WBP1L: variants seen among roughly 807,000 people sequenced by gnomAD.
WBP1L encodes WW domain binding protein 1 like, also known as WW domain binding protein 1-like.
In WBP1L, 17 loss-of-function variants were observed where a neutral mutation model predicts 33.7. The ratio of observed to expected loss-of-function variants is 0.50; its 90% CI spans 0.34 to 0.76. The LOEUF is 0.76. Among genes scored for constraint, WBP1L ranks in the 30% least tolerant of loss-of-function variants. The probability of loss-of-function intolerance (pLI) is 0.01; values close to 1 mark genes in which losing one functional copy is unlikely to be tolerated. For synonymous variants in WBP1L, 173 were observed against 190.8 expected (o/e 0.91, Z 0.77); for missense variants, 389 against 469.4 (o/e 0.83, Z 1.58).
Position 102,813,307 on chromosome 10 carries a change from C to T in WBP1L, c.1068C>T (p.Ser356=). 6.2e-7 allele frequency: 1 copy of T among 1,610,044 alleles called. No homozygotes were observed. The highest frequency in any genetic ancestry group is 1.7e-5 in the Admixed American group (1 of 59,926). ...NTINEQDSPN[S]QSSSSPS is the part of the protein sequence containing the mutation. ...TCAACGAGCAGGACTCTCCCAACTC[C>T]CAGAGCAGCAGCTCCCCCAGCTAGA... Residue 356 remains serine (S), a synonymous_variant, in exon 4 of 4, where the codon TCC becomes TCT. Transcript: ENST00000448841.
intron 1 of WBP1L, among the ~76,000 whole-genome samples, chr10:102,747,702 T>A (rs577639654): frequency 6.6e-6 from 1 of 152,158 alleles, no homozygotes; most frequent in South Asian, 2.1e-4. Context: ...AATTTTTGTA[T>A]TTTTCTGTAG....
chr10:102,764,655 A>G (rs998248974), intron 1 of WBP1L, among the ~76,000 whole-genome samples: 10 of 151,994 alleles, frequency 6.6e-5, no homozygotes, highest in East Asian at 1.9e-4. Context: ...GAGCTTCCCC[A>G]CCCTCTACAA....
chr10:102,809,828 C>T (rs890642386), intron 2 of WBP1L, 65 bp from the exon 3 acceptor site: 40 of 1,536,790 alleles, frequency 2.6e-5, no homozygotes, highest in Middle Eastern at 2.2e-4. Context: ...CTCCCTGTTC[C>T]GCAAGCTGCC....
In WBP1L at chr10:102,814,412, T is replaced by C. The variant is rs1379223816; in HGVS notation, c.*1081T>C. Reference sequence around the variant, plus strand: ...AACAGACAGCGGACTGAGGAAGCGATGGCCCCAGAGAAAGGGCCCCTGTAG... The same window carrying C: ...AACAGACAGCGGACTGAGGAAGCGACGGCCCCAGAGAAAGGGCCCCTGTAG... On this transcript the variant is annotated 3_prime_UTR_variant, in exon 4 of 4. Coordinates refer to ENST00000448841, the MANE Select transcript of WBP1L (RefSeq NM_001083913.2). The C allele has an allele frequency of 6.6e-6, 1 of 152,528 alleles. No homozygotes were observed. The highest frequency in any genetic ancestry group is 1.5e-5 in the Non-Finnish European group (1 of 68,036). 9.4% of individuals were successfully genotyped at this position (152,528 alleles called of 1,614,324 possible). A position where few individuals can be genotyped will look rare whatever the true frequency, so the allele number is the denominator to read the frequency against.
chr10:102,805,731 A>G (rs1843723702), intron 2 of WBP1L, among the ~76,000 whole-genome samples: 1 of 151,066 alleles, frequency 6.6e-6, no homozygotes, highest in Admixed American at 6.6e-5. Context: ...CCTCATCTCA[A>G]CAACAACAAC....
intron 2 of WBP1L, 30 bp downstream of exon 2, chr10:102,798,125 TC>T: frequency 6.3e-7 from 1 of 1,584,420 alleles, no homozygotes. Flanking sequence ...CCTCTCAGTA[TC>T]CCAGGGTCCC....
chr10:102,796,277 C>T lies in WBP1L; in HGVS notation c.91-1716C>T, dbSNP rs180734541. Among the ~76,000 whole-genome samples, 455 of 152,298 alleles carry T rather than the reference C, an allele frequency of 3.0e-3. 4 individuals are homozygous for T. The highest frequency in any genetic ancestry group is 5.2e-3 in the Non-Finnish European group (351 of 68,022). ...TCATTGTCAGGGTTTATGAATTTCTCGTTTCCTTCTTTCTAAACTGTCATA... is the reference window on the plus strand; with the variant it reads ...TCATTGTCAGGGTTTATGAATTTCTTGTTTCCTTCTTTCTAAACTGTCATA... On this transcript the variant is annotated intron_variant, in intron 1 of 3. Coordinates refer to ENST00000448841, the MANE Select transcript of WBP1L (RefSeq NM_001083913.2).
chr10:102,748,498 T>C (rs923025290), intron 1 of WBP1L, among the ~76,000 whole-genome samples: 5 of 152,232 alleles, frequency 3.3e-5, no homozygotes, highest in African/African-American at 1.2e-4. Context: ...GACTTCCAGA[T>C]TCTAATCCCT....
Position 102,814,999 on chromosome 10 carries a change from G to C in WBP1L, c.*1668G>C, listed in dbSNP as rs1459030039. ...TTGAACAAAGTTAAGTCCGTACACA[G>C]TGACTTTTTGGGTGAGCCGTGTGTG... is the stretch of plus-strand genomic sequence containing the variant. On this transcript the variant is annotated 3_prime_UTR_variant, in exon 4 of 4. Transcript: ENST00000448841. The C allele has an allele frequency of 6.6e-6, 1 of 152,574 alleles. No homozygotes were observed. Among genetic ancestry groups the C allele is most frequent in the Non-Finnish European group, 1.5e-5 (1 of 68,036 alleles). 9.5% of individuals were successfully genotyped at this position (152,574 alleles called of 1,614,324 possible).
At chr10:102,810,721 C>A (rs1590195514) in intron 3 of WBP1L, among the ~76,000 whole-genome samples, 1 of 151,880 alleles carries the variant, frequency 6.6e-6, no homozygotes, top group African/African-American at 2.4e-5. Flanking sequence ...CATGCACCAC[C>A]ACACCCAGCT....
At chr10:102,766,345 G>A (rs1843107925) in intron 1 of WBP1L, among the ~76,000 whole-genome samples, 1 of 149,850 alleles carries the variant, frequency 6.7e-6, no homozygotes, top group African/African-American at 2.5e-5. Context: ...GGAAGCTGAG[G>A]TAGGAGAATT....
At chr10:102,746,703 G>A (rs950595763) in intron 1 of WBP1L, among the ~76,000 whole-genome samples, 2 of 151,978 alleles carry the variant, frequency 1.3e-5, no homozygotes, top group African/African-American at 4.8e-5. Context: ...AAGTACCCAT[G>A]GTCCTTAATT....
chr10:102,778,370 G>A (rs180733313), intron 1 of WBP1L, among the ~76,000 whole-genome samples: 7 of 152,290 alleles, frequency 4.6e-5, no homozygotes, highest in Admixed American at 3.9e-4. Flanking sequence ...TTACTCTACC[G>A]AGACACTGTT....
At position 102,809,905 on chromosome 10, in the gene WBP1L, T is replaced by C. The variant is rs755657839; in HGVS notation, c.206T>C (p.Val69Ala). The C allele has an allele frequency of 2.5e-6, 4 of 1,612,736 alleles. No homozygotes were observed. Among genetic ancestry groups the C allele is most frequent in the East Asian group, 2.2e-5 (1 of 44,848 alleles). The change falls in exon 3 of 4, where the codon GTG becomes GCG. Residue 69 changes from valine (V) to alanine (A), a missense_variant. Transcript: ENST00000448841. Reference protein sequence around the residue: ...YYYELWWFWLVWTIIIILSCC... With the variant: ...YYYELWWFWLAWTIIIILSCC... Reference sequence around the variant, plus strand: ...GCCCACCCCCCAGGGTTCTGGCTGGTGTGGACCATCATCATCATCCTGAGC... The same window carrying C: ...GCCCACCCCCCAGGGTTCTGGCTGGCGTGGACCATCATCATCATCCTGAGC...
At chr10:102,803,009 C>T (rs373934283) in intron 2 of WBP1L, among the ~76,000 whole-genome samples, 65 of 152,310 alleles carry the variant, frequency 4.3e-4, no homozygotes, top group African/African-American at 1.3e-3. Context: ...TTATTCTCCC[C>T]GTTTTACAGA....
In WBP1L at chr10:102,814,855, G is replaced by A. The variant is rs1317368289; in HGVS notation, c.*1524G>A. On this transcript the variant is annotated 3_prime_UTR_variant, in exon 4 of 4. Coordinates refer to ENST00000448841, the MANE Select transcript of WBP1L (RefSeq NM_001083913.2). ...GATGATATTCAGACGAAGCATTGAT[G>A]TTATGGAAGAAAGAAAGAAACAAAC... 6.6e-6 allele frequency: 1 copy of A among 152,524 alleles called. No homozygotes were observed. Among genetic ancestry groups the A allele is most frequent in the African/African-American group, 2.4e-5 (1 of 41,402 alleles). The allele number at this position is 152,524 out of a possible 1,614,324, so 9.4% of individuals were successfully genotyped here.
Position 102,813,234 on chromosome 10 carries a change from G to A in WBP1L, c.995G>A (p.Gly332Glu). 6.2e-7 allele frequency: 1 copy of A among 1,612,500 alleles called. No individual in the cohort carries two copies. Among genetic ancestry groups the A allele is most frequent in the Non-Finnish European group, 8.5e-7 (1 of 1,179,904 alleles). Residue 332 changes from glycine to glutamate, a missense_variant, in exon 4 of 4, where the codon GGG (glycine) becomes GAG (glutamate). Transcript: ENST00000448841. ...QSSEEQAREP[G>E]HPHLPRPPAC... The stretch of plus-strand genomic sequence containing the variant: ...TCTGAGGAGCAGGCTCGAGAGCCTG[G>A]GCACCCGCACCTGCCACGGCCGCCC...
intron 1 of WBP1L, among the ~76,000 whole-genome samples, chr10:102,769,937 C>T (rs965955838): frequency 3.3e-5 from 5 of 152,198 alleles, no homozygotes; most frequent in African/African-American, 9.6e-5. Context: ...ACTTGTAAAA[C>T]GCCTTGTCCT....
intron 1 of WBP1L, among the ~76,000 whole-genome samples, chr10:102,761,820 A>G (rs1226183101): frequency 6.6e-6 from 1 of 151,636 alleles, no homozygotes; most frequent in African/African-American, 2.4e-5. Context: ...AAGTGCTGGG[A>G]TTATAAGTGT....
Sources: gnomAD v4.1 joint callset for allele counts (sites outside exome capture counted in the v4.1 genomes callset) on GRCh38, gnomAD v4.1.1 for gene constraint, MANE v1.5 for transcripts, NCBI Gene and HGNC (gene_info 2026-07-23, HGNC 2026-07-21) for gene names.